The following ABCA4 variants were observed in gnomAD, a reference collection of about 807,000 sequenced individuals.
ABCA4 encodes the protein ATP binding cassette subfamily A member 4.
A neutral mutation model predicts 263.7 loss-of-function variants in ABCA4; 196 were observed. The ratio of observed to expected loss-of-function variants is 0.74; its 90% CI spans 0.66 to 0.84. The LOEUF (loss-of-function observed/expected upper bound fraction) is 0.84. ABCA4 is among the 40% of genes least tolerant of loss of function. The pLI is 0.00. For synonymous variants in ABCA4, 1,133 were observed against 1,094.2 expected, an observed-to-expected ratio of 1.04 and a Z score of -0.70; for missense variants, 2,792 against 2,855.1, an observed-to-expected ratio of 0.98 and a Z score of 0.50.
At chr1:94,042,474 AC>A (rs1660519419) in intron 22 of ABCA4, among the ~76,000 whole-genome samples, 1 of 152,178 alleles carries the variant, frequency 6.6e-6, no homozygotes, top group Non-Finnish European at 1.5e-5. Flanking sequence ...GAAGACATTC[AC>A]CTAGAGTAGC....
In ABCA4 at chr1:94,083,405, T is replaced by C; in HGVS notation, c.805A>G (p.Asn269Asp). ...TLLDSRSQGI[N>D]LRSWGGILSD... The stretch of plus-strand genomic sequence containing the variant: ...AATATTCCTCCCCAAGATCTCAGAT[T>C]GATACCTTGAGAACGGCTGTCTAGG... Residue 269 changes from asparagine (N) to aspartate (D), a missense_variant, in exon 7 of 50, where the codon AAT becomes GAT. Physicochemically the swap from Asn to Asp is conservative, Grantham distance 23. Transcript: ENST00000370225. 1 of 1,613,854 alleles carries C rather than the reference T, an allele frequency of 6.2e-7. No homozygotes were observed. Among genetic ancestry groups the C allele is most frequent in the Middle Eastern group, 1.7e-4 (1 of 6,060 alleles).
In ABCA4 at chr1:94,047,074, C is replaced by G. The variant is rs749234960; in HGVS notation, c.2763G>C (p.Glu921Asp). The G allele has an allele frequency of 1.2e-6, 2 of 1,614,156 alleles. No homozygotes were observed. The highest frequency in any genetic ancestry group is 1.7e-6 in the Non-Finnish European group (2 of 1,180,040). The change falls in exon 19 of 50, where the codon GAG becomes GAC. Residue 921 changes from glutamate (E) to aspartate (D), a missense_variant. Glu to Asp is a conservative substitution (Grantham distance 45). Coordinates refer to ENST00000370225, the MANE Select transcript of ABCA4 (RefSeq NM_000350.3). ...EGIHDSFFER[E>D]HPGWVPGVCV... ...ATACCCCAGGAACCCACCCTGGATG[C>G]TCACGTTCAAAGAAGGAGTCTTGGA...
At chr1:94,022,770 T>A (rs2282229) in intron 32 of ABCA4, among the ~76,000 whole-genome samples, 14,050 of 152,224 alleles carry the variant, frequency 0.092, 756 homozygotes, top group African/African-American at 0.14. Context: ...CTACTCTCTG[T>A]CTCAGCCGAG....
intron 30 of ABCA4, chr1:94,025,445 C>T (rs1350142848): frequency 8.9e-6 from 3 of 336,226 alleles, no homozygotes; most frequent in South Asian, 3.0e-5. Context: ...AATGTAAACC[C>T]GAGCACCTCA....
chr1:94,010,359 C>T (rs1326794388), intron 40 of ABCA4, among the ~76,000 whole-genome samples: 1 of 152,146 alleles, frequency 6.6e-6, no homozygotes, highest in African/African-American at 2.4e-5. Flanking sequence ...TGATCACTGC[C>T]CGCACCCCTC....
At chr1:94,083,487 A>G (rs1661757036) in intron 6 of ABCA4, 46 bp from the exon 7 acceptor site, 1 of 1,442,024 alleles carries the variant, frequency 6.9e-7, no homozygotes, top group African/African-American at 1.4e-5. Context: ...ATATGTTTGT[A>G]GGTATATACA....
chr1:94,042,690 G>T, intron 22 of ABCA4, 71 bp downstream of exon 22: 1 of 1,602,476 alleles, frequency 6.2e-7, no homozygotes, highest in South Asian at 1.1e-5. Context: ...AAAATGGCAG[G>T]TGAGAGAGTG....
chr1:94,056,815 C>A lies in ABCA4; in HGVS notation c.2168G>T (p.Arg723Ile). 1 of 1,601,646 alleles carries A rather than the reference C, an allele frequency of 6.2e-7. No individual in the cohort carries two copies. The highest frequency in any genetic ancestry group is 8.5e-7 in the Non-Finnish European group (1 of 1,173,786). ...FLLTIFIMHG[R>I]ILHYSDPFIL... is the part of the protein sequence containing the mutation. ...GAATGGGTCGCTGTAATGTAGGATT[C>A]TTCCATGCTGAAACCAAGAGGCCAT... The change falls in exon 15 of 50, where the codon AGA (arginine) becomes ATA (isoleucine). Residue 723 changes from arginine (R) to isoleucine (I), a missense_variant. Physicochemically the swap from Arg to Ile is moderately conservative, Grantham distance 97. Transcript: ENST00000370225.
chr1:94,080,756 G>C (rs1186670386), intron 7 of ABCA4, 38 bp from the exon 8 acceptor site: 2 of 1,614,022 alleles, frequency 1.2e-6, no homozygotes, highest in African/African-American at 1.3e-5. Flanking sequence ...TTTTAAGGCA[G>C]CTAGAGTCAT....
intron 23 of ABCA4, among the ~76,000 whole-genome samples, chr1:94,040,865 A>C (rs182223788): frequency 5.9e-5 from 9 of 152,282 alleles, no homozygotes; most frequent in Admixed American, 5.2e-4. Context: ...TAATTAGGGA[A>C]TATTAATGTT....
chr1:94,011,495 A>C, intron 38 of ABCA4, 110 bp from the exon 39 acceptor site: 1 of 1,555,008 alleles, frequency 6.4e-7, no homozygotes, highest in Non-Finnish European at 8.8e-7. Flanking sequence ...AGGCCTGCAG[A>C]CAGAGAGTCC....
intron 26 of ABCA4, among the ~76,000 whole-genome samples, chr1:94,034,320 C>G (rs35561994): frequency 0.49 from 74,667 of 151,934 alleles, 18,817 homozygotes; most frequent in Middle Eastern, 0.56. Flanking sequence ...CTTCTTCTCT[C>G]TTCTTCTTCC....
At chr1:93,994,783 G>T (rs1658952843) in intron 49 of ABCA4, among the ~76,000 whole-genome samples, 1 of 152,138 alleles carries the variant, frequency 6.6e-6, no homozygotes, top group South Asian at 2.1e-4. Flanking sequence ...CATCCAATAA[G>T]GGAGAAAAGT....
intron 1 of ABCA4, among the ~76,000 whole-genome samples, chr1:94,114,709 G>A (rs1468172886): frequency 2.6e-5 from 4 of 152,106 alleles, no homozygotes; most frequent in Non-Finnish European, 5.9e-5. Context: ...GGATGGTCTC[G>A]ATCTCCTGAC....
rs17111045 is a variant in ABCA4 at position 94,098,732 on chromosome 1, G to A, written c.768+62C>T. 1,694 of 1,582,752 alleles carry A rather than the reference G, an allele frequency of 1.1e-3. 7 individuals carry two copies. Among genetic ancestry groups the A allele is most frequent in the African/African-American group, 0.01 (755 of 74,298 alleles). On this transcript the variant is annotated intron_variant, in intron 6 of 49. Coordinates refer to ENST00000370225, the MANE Select transcript of ABCA4 (RefSeq NM_000350.3). ...CTCACGCCCTCCCCAAGGTCAATTC[G>A]TGAGGCTCTGCTACCCCAGGAATCA...
At chr1:94,077,616 C>T (rs1661570016) in intron 11 of ABCA4, 74 bp downstream of exon 11, 17 of 1,406,338 alleles carry the variant, frequency 1.2e-5, no homozygotes, top group South Asian at 5.5e-5. Flanking sequence ...GACCACTTGA[C>T]TTGCTAAGGG....
intron 11 of ABCA4, among the ~76,000 whole-genome samples, chr1:94,074,535 T>A (rs533402110): frequency 6.6e-6 from 1 of 152,326 alleles, no homozygotes; most frequent in South Asian, 2.1e-4. Context: ...GCTAAAGAGC[T>A]TCTGCACAGC....
At chr1:94,064,789 C>A (rs957133779) in intron 11 of ABCA4, among the ~76,000 whole-genome samples, 1 of 152,122 alleles carries the variant, frequency 6.6e-6, no homozygotes, top group African/African-American at 2.4e-5. Flanking sequence ...GTATGAACGA[C>A]CAATGCAGGG....
chr1:94,032,624 G>T (rs1007951106), intron 26 of ABCA4, among the ~76,000 whole-genome samples: 2 of 152,126 alleles, frequency 1.3e-5, no homozygotes, highest in Non-Finnish European at 2.9e-5. Flanking sequence ...GACAGAGCAA[G>T]ACTCCTTCTC....
Sources: gnomAD v4.1 joint callset for allele counts (sites outside exome capture counted in the v4.1 genomes callset) on GRCh38, gnomAD v4.1.1 for gene constraint, MANE v1.5 for transcripts, NCBI Gene and HGNC (gene_info 2026-07-23, HGNC 2026-07-21) for gene names.